The following CNOT6 variants were observed in gnomAD, a reference collection of about 807,000 sequenced individuals.
The protein encoded by CNOT6 is CCR4-NOT transcription complex subunit 6, also known as carbon catabolite repression 4 protein.
Under a neutral mutation model 61.2 loss-of-function variants are expected in CNOT6, and 12 were observed. The observed-to-expected ratio is 0.20, with a 90% CI of 0.13 to 0.32. CNOT6 has a LOEUF of 0.32. Among genes scored for constraint, CNOT6 ranks in the 10% least tolerant of loss-of-function variants. The probability of loss-of-function intolerance (pLI) is 1.00; values close to 1 mark genes in which losing one functional copy is unlikely to be tolerated. For missense variants in CNOT6, 405 were observed against 663.9 expected (o/e 0.61, Z 4.28); for synonymous variants, 225 against 240.6 (o/e 0.94, Z 0.60).
intron 4 of CNOT6, among the ~76,000 whole-genome samples, chr5:180,559,242 T>G (rs1760050888): frequency 6.6e-6 from 1 of 152,202 alleles, no homozygotes; most frequent in South Asian, 2.1e-4. Flanking sequence ...GTAGACTCTG[T>G]TTTCCTTTTA....
chr5:180,514,165 C>T lies in CNOT6; in HGVS notation c.-2-15110C>T, dbSNP rs190681444. Among the ~76,000 whole-genome samples the T allele has an allele frequency of 5.4e-3, 814 of 151,820 alleles. 3 individuals are homozygous for T. Among genetic ancestry groups the T allele is most frequent in the Middle Eastern group, 0.024 (7 of 294 alleles). ...TTTTATAGTCAGAAGTCAGCTTCAC[C>T]GTAATCCCAGCACTTTGGGAGGCCG... On this transcript the variant is annotated intron_variant, in intron 1 of 11. Coordinates refer to ENST00000261951, the MANE Select transcript of CNOT6 (RefSeq NM_001370472.1).
At chr5:180,555,207 C>T (rs1759823053) in intron 4 of CNOT6, among the ~76,000 whole-genome samples, 1 of 152,076 alleles carries the variant, frequency 6.6e-6, no homozygotes. Flanking sequence ...GAGATTTCAC[C>T]TGTTGGCTAG....
chr5:180,531,855 G>C (rs993794784), intron 2 of CNOT6, among the ~76,000 whole-genome samples: 4 of 152,240 alleles, frequency 2.6e-5, no homozygotes, highest in Admixed American at 2.6e-4. Flanking sequence ...GTGGCGGCGC[G>C]TGCCTGCAAT....
At chr5:180,536,139 G>C (rs949072355) in intron 2 of CNOT6, among the ~76,000 whole-genome samples, 7 of 147,910 alleles carry the variant, frequency 4.7e-5, no homozygotes, top group African/African-American at 1.7e-4. Context: ...GGTACTACAG[G>C]CACCCGCCAC....
At chr5:180,518,223 T>C (rs533722409) in intron 1 of CNOT6, among the ~76,000 whole-genome samples, 6 of 152,324 alleles carry the variant, frequency 3.9e-5, no homozygotes, top group African/African-American at 1.2e-4. Flanking sequence ...GAGGACCCCT[T>C]CTAGCTGGCT....
intron 1 of CNOT6, among the ~76,000 whole-genome samples, chr5:180,513,982 G>A (rs1196503823): frequency 2.6e-5 from 4 of 151,708 alleles, no homozygotes; most frequent in Non-Finnish European, 5.9e-5. Context: ...GATTACAGGC[G>A]TGAGCCACCG....
chr5:180,516,622 A>G (rs1234251172), intron 1 of CNOT6, among the ~76,000 whole-genome samples: 5 of 152,258 alleles, frequency 3.3e-5, no homozygotes, highest in Admixed American at 2.6e-4. Context: ...CCACATTTTT[A>G]TACCTGGTCA....
chr5:180,558,524 A>AAC (rs1554102615), intron 4 of CNOT6, among the ~76,000 whole-genome samples: 2 of 151,260 alleles, frequency 1.3e-5, no homozygotes, highest in Non-Finnish European at 3.0e-5. Flanking sequence ...AAAAAAAACA[A>AAC]AAAACCTGCT....
chr5:180,512,521 A>G (rs1199926616), intron 1 of CNOT6, among the ~76,000 whole-genome samples: 2 of 152,254 alleles, frequency 1.3e-5, no homozygotes, highest in African/African-American at 4.8e-5. Flanking sequence ...AAGGGATGAT[A>G]TAGAATCATC....
At chr5:180,537,687 A>G (rs1758768037) in intron 2 of CNOT6, among the ~76,000 whole-genome samples, 2 of 152,114 alleles carry the variant, frequency 1.3e-5, no homozygotes, top group South Asian at 2.1e-4. Context: ...TTGTGTCTTC[A>G]TATCTGTGAA....
intron 4 of CNOT6, among the ~76,000 whole-genome samples, chr5:180,559,871 T>A (rs1235116700): frequency 1.3e-5 from 2 of 152,188 alleles, no homozygotes; most frequent in Non-Finnish European, 2.9e-5. Flanking sequence ...TAGCTCTCTT[T>A]ACATCCTTTT....
intron 1 of CNOT6, among the ~76,000 whole-genome samples, chr5:180,522,975 TA>T (rs1757943447): frequency 1.3e-5 from 2 of 152,222 alleles, no homozygotes; most frequent in African/African-American, 4.8e-5. Flanking sequence ...CCCAGCTTTA[TA>T]GCCGGTCATC....
At chr5:180,495,340 G>T (rs1756558457) in intron 1 of CNOT6, 1 of 152,246 alleles carries the variant, frequency 6.6e-6, no homozygotes, top group African/African-American at 2.4e-5. Flanking sequence ...ATAGTATTGC[G>T]AAGGATTCGG....
In CNOT6 at chr5:180,569,121, C is replaced by T; in HGVS notation, c.1039C>T (p.His347Tyr). 6.2e-7 allele frequency: 1 copy of T among 1,612,998 alleles called. No individual in the cohort carries two copies. The highest frequency in any genetic ancestry group is 8.5e-7 in the Non-Finnish European group (1 of 1,179,330). ...TTTATCTAATGTAGCCGGAAAGCCA[C>T]ATCTTGGAACAGAAAAACAACTTAT... Reference protein sequence around the residue: ...ESIEMPSGKPHLGTEKQLILV... With the variant: ...ESIEMPSGKPYLGTEKQLILV... Residue 347 changes from histidine (H) to tyrosine (Y), a missense_variant, in exon 10 of 12, where the codon CAT (histidine) becomes TAT (tyrosine). Coordinates refer to ENST00000261951, the MANE Select transcript of CNOT6 (RefSeq NM_001370472.1).
chr5:180,498,353 G>T (rs576354613), intron 1 of CNOT6, among the ~76,000 whole-genome samples: 1 of 152,202 alleles, frequency 6.6e-6, no homozygotes, highest in Admixed American at 6.5e-5. Context: ...CCTTCTCATA[G>T]TGTATAGGCT....
intron 11 of CNOT6, among the ~76,000 whole-genome samples, chr5:180,571,665 A>G (rs1379890926): frequency 6.6e-6 from 1 of 152,150 alleles, no homozygotes; most frequent in Non-Finnish European, 1.5e-5. Context: ...ATGCCGGCTC[A>G]AACGATCCTC....
rs762227651 is a variant in CNOT6, at chr5:180,551,872, C to CT, written c.300-1501dup. 5.0e-3 allele frequency among the ~76,000 whole-genome samples: 697 copies of CT among 140,580 alleles called. 3 individuals carry two copies. The highest frequency in any genetic ancestry group is 7.5e-3 in the Non-Finnish European group (479 of 64,144). The allele number at this position is 140,580 out of a possible 152,430, so 92.2% of individuals were successfully genotyped here. On this transcript the variant is annotated intron_variant, in intron 3 of 11. Transcript: ENST00000261951. ...CTTGAAGGACCTCCTTTTTCTTTTT[C>CT]TTTTTTTTTTTTTGGAGACGGAATT...
chr5:180,548,890 G>A (rs1561654174), intron 2 of CNOT6, among the ~76,000 whole-genome samples: 2 of 152,220 alleles, frequency 1.3e-5, no homozygotes, highest in Non-Finnish European at 2.9e-5. Flanking sequence ...TCCTGAACCA[G>A]TAAGGAGATT....
intron 1 of CNOT6, among the ~76,000 whole-genome samples, chr5:180,525,510 G>T (rs1758060665): frequency 6.6e-6 from 1 of 150,714 alleles, no homozygotes; most frequent in African/African-American, 2.5e-5. Context: ...TCGCACTCCA[G>T]CCTGGGTGAC....
Sources: gnomAD v4.1 joint callset for allele counts (sites outside exome capture counted in the v4.1 genomes callset) on GRCh38, gnomAD v4.1.1 for gene constraint, MANE v1.5 for transcripts, NCBI Gene and HGNC (gene_info 2026-07-23, HGNC 2026-07-21) for gene names.